The following DYNC2H1 variants were observed in gnomAD, a reference collection of about 807,000 sequenced individuals.
DYNC2H1 encodes the protein dynein cytoplasmic 2 heavy chain 1.
DYNC2H1 carries 410 observed loss-of-function variants against 570.0 expected under a neutral mutation model. That is an observed-to-expected ratio of 0.72 (90% CI 0.66 to 0.78). The LOEUF is 0.78. Among genes scored for constraint, DYNC2H1 ranks in the 30% least tolerant of loss-of-function variants. DYNC2H1 has a pLI of 0.00. For missense variants in DYNC2H1, 4,865 were observed against 5,046.4 expected (o/e 0.96, Z 1.09); for synonymous variants, 1,688 against 1,677.6 (o/e 1.01, Z -0.15).
chr11:103,276,353 A>G (rs1306232425), intron 70 of DYNC2H1, among the ~76,000 whole-genome samples: 1 of 152,144 alleles, frequency 6.6e-6, no homozygotes, highest in Non-Finnish European at 1.5e-5. Flanking sequence ...TTAATCTCAT[A>G]TTTATCCCAA....
chr11:103,382,030 T>G (rs1941670157), intron 83 of DYNC2H1, among the ~76,000 whole-genome samples: 2 of 152,186 alleles, frequency 1.3e-5, no homozygotes, highest in African/African-American at 4.8e-5. Flanking sequence ...GAATCTAATC[T>G]TCTTTAGTAT....
In DYNC2H1 at chr11:103,209,489, A is replaced by G. The variant is rs992101434; in HGVS notation, c.8455-387A>G. 1.3e-5 allele frequency among the ~76,000 whole-genome samples: 2 copies of G among 151,992 alleles called. No homozygotes were observed. Among genetic ancestry groups the G allele is most frequent in the African/African-American group, 4.8e-5 (2 of 41,436 alleles). Reference sequence around the variant, plus strand: ...ATTTTAGTTTTTTTTTGAAAAAGCTAAGAATCCTTGCTACCCCACTATGTC... The same window carrying G: ...ATTTTAGTTTTTTTTTGAAAAAGCTGAGAATCCTTGCTACCCCACTATGTC... On this transcript the variant is annotated intron_variant, in intron 52 of 88. Coordinates refer to ENST00000375735, the MANE Select transcript of DYNC2H1 (RefSeq NM_001377.3). The surrounding 1 kb of genome is among the most constrained non-coding windows in gnomAD (Gnocchi z 4.2).
Position 103,456,280 on chromosome 11 carries a change from T to A in DYNC2H1, c.12572T>A (p.Val4191Glu). The A allele has an allele frequency of 6.2e-7, 1 of 1,607,938 alleles. No homozygotes were observed. The highest frequency in any genetic ancestry group is 8.5e-7 in the Non-Finnish European group (1 of 1,176,534). ...NALRQETARA[V>E]GRSVDSLKFV... is the part of the protein sequence containing the mutation. ...TTGATGCTTTACCTTTACAGGGCAG[T>A]GGGTCGTTCTGTGGATAGCCTTAAA... Residue 4191 changes from valine (V) to glutamate (E), a missense_variant, in exon 87 of 89, where the codon GTG becomes GAG. Coordinates refer to ENST00000375735, the MANE Select transcript of DYNC2H1 (RefSeq NM_001377.3).
At chr11:103,468,745 G>A (rs761390769) in intron 88 of DYNC2H1, 40 bp downstream of exon 88, 2 of 1,425,454 alleles carry the variant, frequency 1.4e-6, no homozygotes, top group Non-Finnish European at 1.9e-6. Context: ...AATTATATCA[G>A]TTCTCTCTTA....
At chr11:103,433,988 C>T (rs997895861) in intron 84 of DYNC2H1, among the ~76,000 whole-genome samples, 10 of 152,064 alleles carry the variant, frequency 6.6e-5, no homozygotes, top group African/African-American at 2.2e-4. Flanking sequence ...TCATGTTTCC[C>T]GTTCCTTTAT....
intron 81 of DYNC2H1, among the ~76,000 whole-genome samples, chr11:103,321,929 C>T (rs990227139): frequency 6.6e-6 from 1 of 152,144 alleles, no homozygotes; most frequent in East Asian, 1.9e-4. Flanking sequence ...TATATCTATT[C>T]AATTATGTAG....
Position 103,170,389 on chromosome 11 carries a change from T to A in DYNC2H1, c.5151+99T>A, listed in dbSNP as rs894307706. The A allele has an allele frequency of 1.7e-6, 2 of 1,175,018 alleles. No individual in the cohort carries two copies. The highest frequency in any genetic ancestry group is 3.2e-5 in the African/African-American group (2 of 63,118). 72.8% of individuals were successfully genotyped at this position (1,175,018 alleles called of 1,614,324 possible). The stretch of plus-strand genomic sequence containing the variant: ...ATACTCTACTTAAAAATCACTACAT[T>A]TAAATTAGTTGAAGACAGAATTTGT... On this transcript the variant is annotated intron_variant, in intron 33 of 88. Transcript: ENST00000375735. This position sits in a 1 kb window ranked among gnomAD's most constrained non-coding sequence, Gnocchi z 4.8.
intron 83 of DYNC2H1, among the ~76,000 whole-genome samples, chr11:103,376,956 C>A (rs1941417162): frequency 6.6e-6 from 1 of 152,138 alleles, no homozygotes; most frequent in Non-Finnish European, 1.5e-5. Flanking sequence ...TTCCTATTCT[C>A]TCCTGACCTG....
chr11:103,231,106 C>T (rs1423774391), intron 59 of DYNC2H1, among the ~76,000 whole-genome samples, 154 bp from the exon 60 acceptor site: 1 of 152,046 alleles, frequency 6.6e-6, no homozygotes, highest in Non-Finnish European at 1.5e-5. Context: ...CTAATTTTAG[C>T]GTTGCTTTTC....
intron 83 of DYNC2H1, among the ~76,000 whole-genome samples, chr11:103,370,673 C>T (rs1941109944): frequency 6.6e-6 from 1 of 152,048 alleles, no homozygotes; most frequent in African/African-American, 2.4e-5. Context: ...AACAAGAGTC[C>T]CTGCCTGATA....
intron 1 of DYNC2H1, among the ~76,000 whole-genome samples, chr11:103,110,843 A>C (rs1858078495): frequency 6.7e-6 from 1 of 149,398 alleles, no homozygotes; most frequent in Non-Finnish European, 1.5e-5. Flanking sequence ...TTTTAGACGC[A>C]GTTCGCAGTT....
intron 82 of DYNC2H1, among the ~76,000 whole-genome samples, chr11:103,355,769 T>A (rs1157497674): frequency 2.0e-5 from 3 of 152,210 alleles, no homozygotes; most frequent in Non-Finnish European, 4.4e-5. Context: ...TTGAGTACAG[T>A]GGCATGATGA....
In DYNC2H1 at chr11:103,177,110, G is replaced by T. The variant is rs1565369494; in HGVS notation, c.5875-446G>T. 1.3e-5 allele frequency among the ~76,000 whole-genome samples: 2 copies of T among 152,022 alleles called. No individual in the cohort carries two copies. Among genetic ancestry groups the T allele is most frequent in the Admixed American group, 1.3e-4 (2 of 15,248 alleles). On this transcript the variant is annotated intron_variant, in intron 37 of 88. Coordinates refer to ENST00000375735, the MANE Select transcript of DYNC2H1 (RefSeq NM_001377.3). This position sits in a 1 kb window ranked among gnomAD's most constrained non-coding sequence, Gnocchi z 4.4. Reference sequence around the variant, plus strand: ...TATAATTGATTATATATATGATTTAGTTTCATTTTGATAATTTATTAGGAT... The same window carrying T: ...TATAATTGATTATATATATGATTTATTTTCATTTTGATAATTTATTAGGAT...
chr11:103,257,518 T>C, intron 68 of DYNC2H1, 90 bp from the exon 69 acceptor site: 1 of 1,246,328 alleles, frequency 8.0e-7, no homozygotes, highest in Non-Finnish European at 1.1e-6. Context: ...ATTACTTGGG[T>C]AGATATGTGC....
At chr11:103,139,553 A>C (rs1036684772) in intron 17 of DYNC2H1, among the ~76,000 whole-genome samples, 3 of 151,070 alleles carry the variant, frequency 2.0e-5, no homozygotes, top group African/African-American at 7.3e-5. Flanking sequence ...CCTGAGTTCT[A>C]GTTTGATTGC....
intron 52 of DYNC2H1, among the ~76,000 whole-genome samples, chr11:103,206,694 A>C (rs1207350963): frequency 6.6e-6 from 1 of 152,174 alleles, no homozygotes; most frequent in Non-Finnish European, 1.5e-5. Context: ...TATGATGAAC[A>C]ATGAAAGTAG....
intron 70 of DYNC2H1, among the ~76,000 whole-genome samples, chr11:103,260,784 T>A (rs1406872877): frequency 6.6e-6 from 1 of 151,882 alleles, no homozygotes; most frequent in African/African-American, 2.4e-5. Context: ...CATGCCTGGG[T>A]AACTTTTGTA....
At chr11:103,294,247 T>A (rs1057473912) in intron 75 of DYNC2H1, among the ~76,000 whole-genome samples, 6 of 152,200 alleles carry the variant, frequency 3.9e-5, no homozygotes, top group Admixed American at 2.0e-4. Flanking sequence ...TCATGTTTTC[T>A]TGGATGTTTC....
At chr11:103,345,834 G>T (rs1361942070) in intron 82 of DYNC2H1, among the ~76,000 whole-genome samples, 1 of 152,202 alleles carries the variant, frequency 6.6e-6, no homozygotes. Flanking sequence ...TTAGAAAACA[G>T]TTGCAGTAGC....
Sources: allele counts gnomAD v4.1 joint callset (sites outside exome capture counted in the v4.1 genomes callset), GRCh38; gene constraint gnomAD v4.1.1; non-coding constraint Gnocchi (gnomAD v3.1); transcripts MANE v1.5; gene names NCBI Gene and HGNC (gene_info 2026-07-23, HGNC 2026-07-21).